The following RTN4R variants were observed in gnomAD, a reference collection of about 807,000 sequenced individuals.
RTN4R encodes reticulon 4 receptor.
A neutral mutation model predicts 27.7 loss-of-function variants in RTN4R; 4 were observed. The observed-to-expected ratio is 0.14, with a 90% CI of 0.07 to 0.33. RTN4R has a LOEUF of 0.33. RTN4R is among the 10% of genes least tolerant of loss of function. The pLI, the probability that RTN4R is intolerant of heterozygous loss-of-function variation, is 1.00. For missense variants in RTN4R, 554 were observed against 671.5 expected (o/e 0.83, Z 1.93); for synonymous variants, 290 against 305.6 (o/e 0.95, Z 0.53).
chr22:20,263,208 G>T (rs2051257724), intron 1 of RTN4R, among the ~76,000 whole-genome samples: 1 of 152,238 alleles, frequency 6.6e-6, no homozygotes, highest in Non-Finnish European at 1.5e-5. Context: ...TTGTGTGGCA[G>T]GGTCTACCCA....
intron 1 of RTN4R, among the ~76,000 whole-genome samples, chr22:20,257,630 C>T (rs908079128): frequency 4.6e-5 from 7 of 152,240 alleles, no homozygotes; most frequent in East Asian, 1.9e-4. Context: ...TTTAGGACAC[C>T]TTGTCTATCG....
chr22:20,242,681 C>A lies in RTN4R; in HGVS notation c.452G>T (p.Arg151Leu). ...GAGGTACTGCAGGGCAGCCAGGCCG[C>A]GGAACAGCCCCGGGCCCAGCTCCTG... ...GLQELGPGLF[R>L]GLAALQYLYL... The change falls in exon 2 of 2, where the codon CGC becomes CTC. Residue 151 changes from arginine to leucine, a missense_variant. Coordinates refer to ENST00000043402, the MANE Select transcript of RTN4R (RefSeq NM_023004.6). 1.2e-6 allele frequency: 2 copies of A among 1,612,484 alleles called. No individual in the cohort carries two copies. Among genetic ancestry groups the A allele is most frequent in the Non-Finnish European group, 1.7e-6 (2 of 1,179,698 alleles).
intron 1 of RTN4R, among the ~76,000 whole-genome samples, chr22:20,245,558 G>T (rs2051135649): frequency 6.6e-6 from 1 of 152,054 alleles, no homozygotes; most frequent in Admixed American, 6.5e-5. Flanking sequence ...CTCCTCCCTG[G>T]CCCCATGGTG....
At chr22:20,267,746 C>T (rs2051287278) in intron 1 of RTN4R, 2 of 420,296 alleles carry the variant, frequency 4.8e-6, no homozygotes, top group Admixed American at 6.0e-5. Flanking sequence ...GCTCCGAGGC[C>T]GGGCCCCGCC....
intron 1 of RTN4R, among the ~76,000 whole-genome samples, chr22:20,258,583 TG>T (rs2145982252): frequency 6.6e-6 from 1 of 152,340 alleles, no homozygotes; most frequent in East Asian, 1.9e-4. Flanking sequence ...TTGAACACGG[TG>T]GACCCCCAGG....
At position 20,255,351 on chromosome 22, in the gene RTN4R, G is replaced by A. The variant is rs1016016951; in HGVS notation, c.23-12241C>T. Among the ~76,000 whole-genome samples the A allele has an allele frequency of 5.3e-5, 8 of 152,238 alleles. No individual in the cohort carries two copies. Among genetic ancestry groups the A allele is most frequent in the African/African-American group, 1.7e-4 (7 of 41,462 alleles). On this transcript the variant is annotated intron_variant, in intron 1 of 1. Coordinates refer to ENST00000043402, the MANE Select transcript of RTN4R (RefSeq NM_023004.6). The surrounding 1 kb of genome is among the most constrained non-coding windows in gnomAD (Gnocchi z 4.8). ...AAGCAGGTGTCTCCAAGGTGCAGGA[G>A]GAGAGCGAGGGACAGTGAGAGCTCA...
At chr22:20,245,018 G>C (rs1194213301) in intron 1 of RTN4R, among the ~76,000 whole-genome samples, 2 of 152,194 alleles carry the variant, frequency 1.3e-5, no homozygotes, top group African/African-American at 4.8e-5. Flanking sequence ...TGTGAGTCTG[G>C]CTGTGGTCAG....
intron 1 of RTN4R, among the ~76,000 whole-genome samples, chr22:20,245,779 C>G (rs2051137069): frequency 6.6e-6 from 1 of 152,204 alleles, no homozygotes; most frequent in Non-Finnish European, 1.5e-5. Context: ...CCACTTTCCA[C>G]TCTCACCCAG....
intron 1 of RTN4R, among the ~76,000 whole-genome samples, chr22:20,246,318 G>T (rs1280047190): frequency 6.6e-6 from 1 of 152,236 alleles, no homozygotes; most frequent in Non-Finnish European, 1.5e-5. Flanking sequence ...GGCCCAGGAG[G>T]CTGGGCAGCA....
chr22:20,260,385 A>G (rs1320142180), intron 1 of RTN4R, among the ~76,000 whole-genome samples: 3 of 152,030 alleles, frequency 2.0e-5, no homozygotes, highest in Non-Finnish European at 2.9e-5. Flanking sequence ...GGAAGCGGAG[A>G]CTCAAGTGGA....
chr22:20,253,724 T>C (rs373554915), intron 1 of RTN4R, among the ~76,000 whole-genome samples: 2 of 152,120 alleles, frequency 1.3e-5, no homozygotes. Flanking sequence ...AGGAGAAACA[T>C]CTAATTTGTG....
chr22:20,268,258 C>T lies in RTN4R; in HGVS notation c.-166G>A, dbSNP rs12330011. ...CGCTCCGCCCGGCTCTGGCTGGGCT[C>T]GGGCCGCGGGTGCGCAGGGCGCGCA... is the stretch of plus-strand genomic sequence containing the variant. On this transcript the variant is annotated 5_prime_UTR_variant, in exon 1 of 2. Transcript: ENST00000043402. The T allele has an allele frequency of 0.027, 1,055 of 39,210 alleles. 8 individuals carry two copies. The highest frequency in any genetic ancestry group is 0.13 in the African/African-American group (977 of 7,252). The allele number at this position is 39,210 out of a possible 1,614,324, so 2.4% of individuals were successfully genotyped here.
chr22:20,245,398 A>T (rs1393765665), intron 1 of RTN4R, among the ~76,000 whole-genome samples: 1 of 152,120 alleles, frequency 6.6e-6, no homozygotes, highest in Non-Finnish European at 1.5e-5. Flanking sequence ...AGCGAGCAGG[A>T]GGGGGCATCT....
intron 1 of RTN4R, 75 bp from the exon 2 acceptor site, chr22:20,243,185 G>A (rs531319330): frequency 6.1e-6 from 9 of 1,470,110 alleles, no homozygotes; most frequent in African/African-American, 5.6e-5. Flanking sequence ...CTAGAGCCAG[G>A]TGGGCCCCGG....
intron 1 of RTN4R, chr22:20,249,081 C>A: frequency 1.9e-6 from 1 of 530,810 alleles, no homozygotes; most frequent in South Asian, 1.4e-5. Flanking sequence ...CCTGCTCCTC[C>A]ATGCTCCACC....
At chr22:20,253,860 A>G (rs1304299930) in intron 1 of RTN4R, among the ~76,000 whole-genome samples, 1 of 152,138 alleles carries the variant, frequency 6.6e-6, no homozygotes, top group Non-Finnish European at 1.5e-5. Context: ...AAAAATCAAT[A>G]CAAGTGTTAG....
rs755046995 is a variant in RTN4R at position 20,242,234 on chromosome 22, C to T, written c.899G>A (p.Arg300His). 3.7e-6 allele frequency: 6 copies of T among 1,603,372 alleles called. No homozygotes were observed. In the Admixed American group the frequency reaches 6.9e-5, roughly 18 times the overall value. ...GCCCTGCAGGTCATTGGCAGCTAGG[C>T]GTTTGAGGTCACGGCCAGCCAGGCG... The part of the protein sequence containing the change: ...PQRLAGRDLK[R>H]LAANDLQGCA... The change falls in exon 2 of 2, where the codon CGC (arginine) becomes CAC (histidine). Residue 300 changes from arginine (R) to histidine (H), a missense_variant. Physicochemically the swap from Arg to His is conservative, Grantham distance 29. This residue lies in a region of RTN4R where 413 missense variants were observed against 542.3 expected (regional missense o/e 0.76). Transcript: ENST00000043402.
At chr22:20,259,419 T>A (rs534335573) in intron 1 of RTN4R, among the ~76,000 whole-genome samples, 1 of 152,088 alleles carries the variant, frequency 6.6e-6, no homozygotes, top group Non-Finnish European at 1.5e-5. Flanking sequence ...GGCAGGGAGA[T>A]GAAAGACAGC....
At chr22:20,251,681 A>AT (rs1292085431) in intron 1 of RTN4R, among the ~76,000 whole-genome samples, 1 of 16,146 alleles carries the variant, frequency 6.2e-5, no homozygotes, top group Non-Finnish European at 1.4e-4. Flanking sequence ...ACCATCCTCA[A>AT]CACCATCATC....
Sources: gnomAD v4.1 joint callset for allele counts (sites outside exome capture counted in the v4.1 genomes callset) on GRCh38, gnomAD v4.1.1 for gene constraint, gnomAD v4.1.1 regional missense constraint, Gnocchi (gnomAD v3.1) non-coding constraint, MANE v1.5 for transcripts, NCBI Gene and HGNC (gene_info 2026-07-23, HGNC 2026-07-21) for gene names.